RAB31: variants seen among roughly 807,000 people sequenced by gnomAD.
RAB31 encodes the protein RAB31, member RAS oncogene family, also known as ras-related protein Rab-31.
In RAB31, 21 loss-of-function variants were observed where a neutral mutation model predicts 25.6. The ratio of observed to expected loss-of-function variants is 0.82; its 90% confidence interval spans 0.58 to 1.18. RAB31 has a LOEUF of 1.18. RAB31 is among the 50% of genes most tolerant of loss of function. The pLI is 0.00. For synonymous variants in RAB31, 87 were observed against 84.0 expected, an observed-to-expected ratio of 1.04 and a Z score of -0.20; for missense variants, 196 against 250.1, an observed-to-expected ratio of 0.78 and a Z score of 1.46.
intron 6 of RAB31, among the ~76,000 whole-genome samples, chr18:9,851,606 T>C (rs1444857409): frequency 1.3e-5 from 2 of 152,214 alleles, no homozygotes; most frequent in Non-Finnish European, 2.9e-5. Context: ...AGCTTGTCTA[T>C]ATCATGTCCC....
chr18:9,802,768 G>T (rs926280513), intron 3 of RAB31, among the ~76,000 whole-genome samples: 1 of 152,232 alleles, frequency 6.6e-6, no homozygotes, highest in South Asian at 2.1e-4. Flanking sequence ...GTGCGGAATC[G>T]CTGGGTCTGA....
At chr18:9,790,088 G>A (rs1053818912) in intron 2 of RAB31, among the ~76,000 whole-genome samples, 7 of 152,082 alleles carry the variant, frequency 4.6e-5, no homozygotes, top group African/African-American at 1.7e-4. Flanking sequence ...TCTTTACCCC[G>A]AAAACCCCAG....
At chr18:9,837,777 G>C (rs2068712787) in intron 5 of RAB31, among the ~76,000 whole-genome samples, 1 of 152,138 alleles carries the variant, frequency 6.6e-6, no homozygotes, top group Non-Finnish European at 1.5e-5. Context: ...GGACTTCAAA[G>C]TACGATGCAG....
intron 1 of RAB31, among the ~76,000 whole-genome samples, chr18:9,762,937 G>A (rs1414357353): frequency 3.3e-5 from 5 of 152,136 alleles, no homozygotes; most frequent in African/African-American, 1.2e-4. Context: ...TAGGGGAGCT[G>A]CCACCATTGA....
At chr18:9,805,957 G>A (rs1016218036) in intron 3 of RAB31, among the ~76,000 whole-genome samples, 1 of 152,106 alleles carries the variant, frequency 6.6e-6, no homozygotes, top group Non-Finnish European at 1.5e-5. Flanking sequence ...GGCGGATCAC[G>A]AGGTCAGGAG....
At chr18:9,749,059 A>T (rs2068220734) in intron 1 of RAB31, among the ~76,000 whole-genome samples, 1 of 152,178 alleles carries the variant, frequency 6.6e-6, no homozygotes, top group African/African-American at 2.4e-5. Context: ...TTTTATGGTT[A>T]TGTGCATATG....
intron 1 of RAB31, among the ~76,000 whole-genome samples, chr18:9,773,861 A>C (rs1010197491): frequency 6.6e-6 from 1 of 151,908 alleles, no homozygotes; most frequent in Non-Finnish European, 1.5e-5. Flanking sequence ...GGGTCTTGCT[A>C]TGTTGCCCAG....
intron 3 of RAB31, among the ~76,000 whole-genome samples, chr18:9,798,917 G>A (rs1233525352): frequency 1.3e-5 from 2 of 152,086 alleles, no homozygotes; most frequent in Admixed American, 6.5e-5. Context: ...GTGAAACCCC[G>A]TTTCTACTAA....
intron 5 of RAB31, among the ~76,000 whole-genome samples, chr18:9,824,346 G>A (rs2068639004): frequency 6.6e-6 from 1 of 151,266 alleles, no homozygotes; most frequent in Non-Finnish European, 1.5e-5. Context: ...AAATGTGTGT[G>A]TAGATGTGTG....
intron 3 of RAB31, among the ~76,000 whole-genome samples, chr18:9,812,191 G>A (rs7232667): frequency 0.97 from 148,243 of 152,298 alleles, 72,294 homozygotes; most frequent in East Asian, 1. Context: ...TCCTAATACC[G>A]CCACGTTGGG....
At chr18:9,785,976 G>A (rs913498330) in intron 2 of RAB31, among the ~76,000 whole-genome samples, 2 of 152,098 alleles carry the variant, frequency 1.3e-5, no homozygotes, top group African/African-American at 2.4e-5. Flanking sequence ...CAGGAGAATC[G>A]CTTGAACCCA....
chr18:9,773,541 A>G (rs1599032801), intron 1 of RAB31, among the ~76,000 whole-genome samples: 3 of 152,170 alleles, frequency 2.0e-5, no homozygotes, highest in Non-Finnish European at 4.4e-5. Flanking sequence ...CTGTCTCAGA[A>G]CAGCAGCCAT....
chr18:9,790,269 T>C (rs2068453419), intron 2 of RAB31, among the ~76,000 whole-genome samples: 1 of 152,184 alleles, frequency 6.6e-6, no homozygotes, highest in Non-Finnish European at 1.5e-5. Flanking sequence ...TCACCTAGAC[T>C]GCAGTGCACT....
intron 1 of RAB31, chr18:9,726,059 G>C (rs1180191679): frequency 1.3e-5 from 2 of 152,250 alleles, no homozygotes; most frequent in Non-Finnish European, 2.9e-5. Flanking sequence ...CATGTGAAAT[G>C]TTTTTGCTCA....
At chr18:9,817,027 C>A (rs1385852992) in intron 5 of RAB31, among the ~76,000 whole-genome samples, 2 of 152,164 alleles carry the variant, frequency 1.3e-5, no homozygotes, top group African/African-American at 4.8e-5. Context: ...CAGCCATAAA[C>A]ACCACTTTTC....
Position 9,815,176 on chromosome 18 carries a change from A to G in RAB31, c.334A>G (p.Ile112Val). 1 of 1,557,792 alleles carries G rather than the reference A, an allele frequency of 6.4e-7. No homozygotes were observed. Among genetic ancestry groups the G allele is most frequent in the East Asian group, 2.4e-5 (1 of 41,732 alleles). ...KELKEHGPEN[I>V]VMAIAGNKCD... ...GCTGAAAGAACATGGTCCAGAAAACATTGTAATGGCCATCGCTGGAAACAA... is the reference window on the plus strand; with the variant it reads ...GCTGAAAGAACATGGTCCAGAAAACGTTGTAATGGCCATCGCTGGAAACAA... The change falls in exon 5 of 7, where the codon ATT becomes GTT. Residue 112 changes from isoleucine (I) to valine (V), a missense_variant. Coordinates refer to ENST00000578921, the MANE Select transcript of RAB31 (RefSeq NM_006868.4).
At chr18:9,840,340 G>A (rs1477416633) in intron 5 of RAB31, among the ~76,000 whole-genome samples, 1 of 152,108 alleles carries the variant, frequency 6.6e-6, no homozygotes, top group Non-Finnish European at 1.5e-5. Flanking sequence ...TCAACGCCTA[G>A]CACAATGCCC....
chr18:9,760,490 A>G (rs1287659895), intron 1 of RAB31, among the ~76,000 whole-genome samples: 2 of 152,000 alleles, frequency 1.3e-5, no homozygotes, highest in Non-Finnish European at 2.9e-5. Flanking sequence ...TGTTCTTCAG[A>G]ACAATTTTTT....
intron 3 of RAB31, among the ~76,000 whole-genome samples, chr18:9,796,271 G>A (rs2068486713): frequency 6.6e-6 from 1 of 152,066 alleles, no homozygotes; most frequent in African/African-American, 2.4e-5. Flanking sequence ...TACACACTGG[G>A]TACAGTGTAC....
Sources: gnomAD v4.1 joint callset for allele counts (sites outside exome capture counted in the v4.1 genomes callset) on GRCh38, gnomAD v4.1.1 for gene constraint, MANE v1.5 for transcripts, NCBI Gene and HGNC (gene_info 2026-07-23, HGNC 2026-07-21) for gene names.